AJAP1: variants seen among roughly 807,000 people sequenced by gnomAD.
AJAP1 encodes the protein adherens junctions associated protein 1, also known as adherens junction-associated protein 1.
A neutral mutation model predicts 35.0 loss-of-function variants in AJAP1; 5 were observed. The observed-to-expected ratio is 0.14, with a 90% CI of 0.07 to 0.30. AJAP1 has a LOEUF of 0.30. Among genes scored for constraint, AJAP1 ranks in the 10% least tolerant of loss-of-function variants. The pLI is 1.00. For synonymous variants in AJAP1, 284 were observed against 249.3 expected (o/e 1.14, Z -1.31); for missense variants, 586 against 571.0 (o/e 1.03, Z -0.27).
chr1:4,689,348 A>G (rs1639682602), intron 1 of AJAP1, among the ~76,000 whole-genome samples: 1 of 152,146 alleles, frequency 6.6e-6, no homozygotes, highest in Admixed American at 6.5e-5. Context: ...CACCTAAAAT[A>G]CCTATTTTCT....
chr1:4,658,746 T>A (rs1638937872), intron 1 of AJAP1, among the ~76,000 whole-genome samples: 1 of 152,218 alleles, frequency 6.6e-6, no homozygotes, highest in Non-Finnish European at 1.5e-5. Context: ...GTCCCTGTTG[T>A]TTATTTACTT....
intron 1 of AJAP1, among the ~76,000 whole-genome samples, chr1:4,708,548 A>G (rs114038482): frequency 0.021 from 3,206 of 152,318 alleles, 89 homozygotes; most frequent in South Asian, 0.12. Context: ...TGAGAAGAGT[A>G]TTCCCAGGCT....
chr1:4,690,777 C>T (rs1639721694), intron 1 of AJAP1, among the ~76,000 whole-genome samples: 1 of 152,196 alleles, frequency 6.6e-6, no homozygotes, highest in Non-Finnish European at 1.5e-5. Context: ...ACACTCAGGT[C>T]CTGGGACCAT....
rs377327409 is a variant in AJAP1, at chr1:4,655,478, G to C, written c.29+24G>C. On this transcript the variant is annotated intron_variant, in intron 1 of 5. Coordinates refer to ENST00000378191, the MANE Select transcript of AJAP1 (RefSeq NM_018836.4). This position sits in a 1 kb window ranked among gnomAD's most constrained non-coding sequence, Gnocchi z 6.9. ...AGGTGAGCGACCCGGCCGGCGCCGG[G>C]TGCGTGTGGGCGCGTGGGTGCCAGG... 5.7e-6 allele frequency: 9 copies of C among 1,566,150 alleles called. No homozygotes were observed. The South Asian group carries it at 8.0e-5, about 14-fold the overall frequency.
intron 2 of AJAP1, among the ~76,000 whole-genome samples, chr1:4,740,991 G>A (rs1641056019): frequency 6.6e-6 from 1 of 152,032 alleles, no homozygotes; most frequent in Non-Finnish European, 1.5e-5. Context: ...ATGTTGTGCA[G>A]CAGAGGAGCT....
chr1:4,671,500 G>A (rs1050975023), intron 1 of AJAP1, among the ~76,000 whole-genome samples: 4 of 151,868 alleles, frequency 2.6e-5, no homozygotes, highest in Admixed American at 6.6e-5. Context: ...TGGTCTTTCT[G>A]TCTCAAAGGT....
At chr1:4,679,811 GT>G (rs1557605841) in intron 1 of AJAP1, among the ~76,000 whole-genome samples, 12 of 57,348 alleles carry the variant, frequency 2.1e-4, no homozygotes, top group African/African-American at 5.7e-4. Flanking sequence ...CCAATAGGGT[GT>G]GTGTGTGTGT....
At chr1:4,658,781 A>G (rs1162994149) in intron 1 of AJAP1, among the ~76,000 whole-genome samples, 1 of 152,104 alleles carries the variant, frequency 6.6e-6, no homozygotes, top group Non-Finnish European at 1.5e-5. Flanking sequence ...CTTTTCTTCC[A>G]TGCATTGGAG....
chr1:4,757,328 T>A (rs1273978459), intron 2 of AJAP1, among the ~76,000 whole-genome samples: 1 of 152,162 alleles, frequency 6.6e-6, no homozygotes, highest in Non-Finnish European at 1.5e-5. Context: ...TGCCCCCGGG[T>A]GGCCAGCTGT....
chr1:4,742,899 A>T (rs1290760414), intron 2 of AJAP1, among the ~76,000 whole-genome samples: 4 of 143,878 alleles, frequency 2.8e-5, no homozygotes, highest in African/African-American at 7.8e-5. Flanking sequence ...CTGGTGGGGT[A>T]AATGTGGGGA....
chr1:4,694,261 G>GC (rs1292989195), intron 1 of AJAP1, among the ~76,000 whole-genome samples: 3 of 152,166 alleles, frequency 2.0e-5, no homozygotes, highest in Non-Finnish European at 4.4e-5. Flanking sequence ...CATAATCCCA[G>GC]CCCCCCACCC....
chr1:4,749,830 G>C, intron 2 of AJAP1, among the ~76,000 whole-genome samples: 1 of 152,234 alleles, frequency 6.6e-6, no homozygotes, highest in Non-Finnish European at 1.5e-5. Flanking sequence ...GTGTGCACTC[G>C]TGCACGCCTG....
intron 1 of AJAP1, among the ~76,000 whole-genome samples, chr1:4,657,477 T>C (rs764705772): frequency 1.3e-5 from 2 of 152,188 alleles, no homozygotes; most frequent in Non-Finnish European, 2.9e-5. Context: ...AATGGGCACC[T>C]GGGGACTCTG....
Position 4,726,887 on chromosome 1 carries a change from C to T in AJAP1, c.829+14188C>T, listed in dbSNP as rs565970988. On this transcript the variant is annotated intron_variant, in intron 2 of 5. Coordinates refer to ENST00000378191, the MANE Select transcript of AJAP1 (RefSeq NM_018836.4). ...GATGAAATAGGACAGAAAACAGGCA[C>T]GGAAGAGCTTCCAAGAGGCAGAGGC... Among the ~76,000 whole-genome samples the T allele has an allele frequency of 5.6e-4, 86 of 152,222 alleles. 2 individuals carry two copies. Among genetic ancestry groups the T allele is most frequent in the South Asian group, 2.1e-4 (1 of 4,816 alleles).
chr1:4,768,177 G>A (rs1186355895), intron 2 of AJAP1, among the ~76,000 whole-genome samples: 1 of 152,218 alleles, frequency 6.6e-6, no homozygotes, highest in East Asian at 1.9e-4. Context: ...TTTATTCAGG[G>A]GGCATCGGAG....
In AJAP1 at chr1:4,734,041, G is replaced by A. The variant is rs565391698; in HGVS notation, c.829+21342G>A. Among the ~76,000 whole-genome samples the A allele has an allele frequency of 3.6e-3, 554 of 152,286 alleles. 10 individuals carry two copies. Among genetic ancestry groups the A allele is most frequent in the Non-Finnish European group, 2.7e-3 (187 of 68,028 alleles). On this transcript the variant is annotated intron_variant, in intron 2 of 5. Coordinates refer to ENST00000378191, the MANE Select transcript of AJAP1 (RefSeq NM_018836.4). The surrounding 1 kb of genome is among the most constrained non-coding windows in gnomAD (Gnocchi z 4.3). ...GCTCCAATTAGCGGCTTTTGTAAGC[G>A]ATCACGTACCGAGTATTGACTTGGC...
At chr1:4,748,678 G>A (rs941949486) in intron 2 of AJAP1, among the ~76,000 whole-genome samples, 1 of 151,274 alleles carries the variant, frequency 6.6e-6, no homozygotes, top group East Asian at 2.0e-4. Flanking sequence ...AACTGGGGAG[G>A]CTGAGGTTGC....
At chr1:4,719,150 C>A (rs1295069792) in intron 2 of AJAP1, among the ~76,000 whole-genome samples, 1 of 152,104 alleles carries the variant, frequency 6.6e-6, no homozygotes, top group Non-Finnish European at 1.5e-5. Flanking sequence ...GACAGAATAC[C>A]ATTTTTAGAC....
chr1:4,666,739 G>A (rs150119612), intron 1 of AJAP1, among the ~76,000 whole-genome samples: 530 of 48,244 alleles, frequency 0.011, 12 homozygotes, highest in African/African-American at 0.018. Context: ...CACGGGAGGG[G>A]TGCGGAGAGG....
Sources: gnomAD v4.1 joint callset for allele counts (sites outside exome capture counted in the v4.1 genomes callset) on GRCh38, gnomAD v4.1.1 for gene constraint, Gnocchi (gnomAD v3.1) non-coding constraint, MANE v1.5 for transcripts, NCBI Gene and HGNC (gene_info 2026-07-23, HGNC 2026-07-21) for gene names.